GABRG3: variants seen among roughly 807,000 people sequenced by gnomAD.
GABRG3 encodes the protein gamma-aminobutyric acid type A receptor subunit gamma3.
GABRG3 carries 25 observed loss-of-function variants against 48.8 expected under a neutral mutation model. The ratio of observed to expected loss-of-function variants is 0.51; its 90% CI spans 0.37 to 0.72. The LOEUF (loss-of-function observed/expected upper bound fraction) is 0.72, where lower values mean the gene tolerates loss of function less well. Ranked by LOEUF, GABRG3 falls within the 30% of genes least tolerant of loss-of-function variation. GABRG3 has a pLI of 0.00. For missense variants in GABRG3, 394 were observed against 577.9 expected, an observed-to-expected ratio of 0.68 and a Z score of 3.26; for synonymous variants, 227 against 217.6, an observed-to-expected ratio of 1.04 and a Z score of -0.38.
In GABRG3 at chr15:27,414,263, T is replaced by G. The variant is rs116936675; in HGVS notation, c.575-66387T>G. On this transcript the variant is annotated intron_variant, in intron 5 of 9. Transcript: ENST00000615808. ...GTTCATGAATGTCCCAAAGCCCTCA[T>G]GGTTTCTCTCTTTCTGGCTCTTCTT... Among the ~76,000 whole-genome samples the G allele has an allele frequency of 3.9e-4, 60 of 152,322 alleles. No individual in the cohort carries two copies. In the East Asian group the frequency reaches 0.01, roughly 26 times the overall value.
At chr15:27,423,909 G>A (rs553925486) in intron 5 of GABRG3, among the ~76,000 whole-genome samples, 2 of 152,008 alleles carry the variant, frequency 1.3e-5, no homozygotes, top group African/African-American at 4.8e-5. Context: ...ATAGTAGCTA[G>A]CATATGCAGT....
rs185379757 is a variant in GABRG3 at position 27,284,644 on chromosome 15, A to C, written c.271-42165A>C. 9.2e-5 allele frequency among the ~76,000 whole-genome samples: 14 copies of C among 152,304 alleles called. No homozygotes were observed. In the East Asian group the frequency reaches 2.7e-3, roughly 29 times the overall value. ...CTGTGGGCACTTGGATAAGTCTAAA[A>C]ATCCTCAGAGTCCAGATAAGCAAGA... On this transcript the variant is annotated intron_variant, in intron 3 of 9. Coordinates refer to ENST00000615808, the MANE Select transcript of GABRG3 (RefSeq NM_033223.5).
rs553294550 is a variant in GABRG3 at position 27,201,757 on chromosome 15, C to T, written c.271-125052C>T. Among the ~76,000 whole-genome samples, 7 of 152,136 alleles carry T rather than the reference C, an allele frequency of 4.6e-5. No homozygotes were observed. The East Asian group carries it at 1.2e-3, about 25-fold the overall frequency. On this transcript the variant is annotated intron_variant, in intron 3 of 9. Coordinates refer to ENST00000615808, the MANE Select transcript of GABRG3 (RefSeq NM_033223.5). ...TGTTTATAATCGGAACAATAATGAA[C>T]TTATAATTCTAAATAATTGTAGATA...
chr15:27,167,065 C>T (rs1402766851), intron 3 of GABRG3, among the ~76,000 whole-genome samples: 1 of 152,184 alleles, frequency 6.6e-6, no homozygotes, highest in Admixed American at 6.5e-5. Context: ...TCTCCAGGCC[C>T]TCTCACATAG....
intron 2 of GABRG3, among the ~76,000 whole-genome samples, chr15:26,997,230 A>G (rs1165076073): frequency 1.3e-5 from 2 of 152,116 alleles, no homozygotes; most frequent in Admixed American, 6.6e-5. Context: ...GTTATCATAT[A>G]TTCATTTAAT....
chr15:27,066,382 G>A (rs1392227973), intron 3 of GABRG3, among the ~76,000 whole-genome samples: 2 of 152,210 alleles, frequency 1.3e-5, no homozygotes, highest in Non-Finnish European at 2.9e-5. Context: ...CAGCGTTGCT[G>A]TTGAATGGTC....
At chr15:27,057,183 T>A (rs1255704476) in intron 3 of GABRG3, among the ~76,000 whole-genome samples, 1 of 152,188 alleles carries the variant, frequency 6.6e-6, no homozygotes, top group Non-Finnish European at 1.5e-5. Flanking sequence ...GGTGGTTTTT[T>A]CCAAGGGTGG....
chr15:27,149,938 A>G (rs1176762990), intron 3 of GABRG3, among the ~76,000 whole-genome samples: 1 of 152,190 alleles, frequency 6.6e-6, no homozygotes, highest in East Asian at 1.9e-4. Context: ...ATATAATACT[A>G]AGCAGACATT....
chr15:27,397,843 G>C (rs1037384389), intron 5 of GABRG3, among the ~76,000 whole-genome samples: 3 of 142,506 alleles, frequency 2.1e-5, no homozygotes. Flanking sequence ...CTCGCTCTGT[G>C]GCCCAGGCTG....
intron 5 of GABRG3, chr15:27,366,282 C>G (rs1415143975): frequency 6.6e-6 from 1 of 152,212 alleles, no homozygotes; most frequent in African/African-American, 2.4e-5. Flanking sequence ...CAGCTGGGCT[C>G]CAGACTTCCA....
chr15:27,000,647 C>A (rs184149052), intron 2 of GABRG3, among the ~76,000 whole-genome samples: 61 of 152,210 alleles, frequency 4.0e-4, no homozygotes, highest in Middle Eastern at 3.4e-3. Context: ...CCCACCACCA[C>A]CTTGCTCCTG....
intron 3 of GABRG3, among the ~76,000 whole-genome samples, chr15:27,136,096 G>A (rs960706839): frequency 3.3e-5 from 5 of 152,186 alleles, no homozygotes; most frequent in Admixed American, 1.3e-4. Flanking sequence ...TTAATGTCCT[G>A]AAGGAAGAGT....
chr15:27,254,332 G>A (rs909187985), intron 3 of GABRG3, among the ~76,000 whole-genome samples: 5 of 152,244 alleles, frequency 3.3e-5, no homozygotes, highest in African/African-American at 7.2e-5. Context: ...GAGAGATGCC[G>A]TCAGATGGAG....
At chr15:27,009,715 A>C (rs1400354506) in intron 2 of GABRG3, among the ~76,000 whole-genome samples, 1 of 152,186 alleles carries the variant, frequency 6.6e-6, no homozygotes, top group Non-Finnish European at 1.5e-5. Flanking sequence ...AGCCAGATTC[A>C]AAAGGGCAGC....
At chr15:27,367,721 G>T (rs1345901478) in intron 5 of GABRG3, among the ~76,000 whole-genome samples, 1 of 152,104 alleles carries the variant, frequency 6.6e-6, no homozygotes, top group Non-Finnish European at 1.5e-5. Context: ...ACTTTATATG[G>T]TTGATTATTT....
intron 5 of GABRG3, among the ~76,000 whole-genome samples, chr15:27,370,698 A>G (rs1309618580): frequency 1.3e-5 from 2 of 152,242 alleles, no homozygotes; most frequent in Non-Finnish European, 2.9e-5. Context: ...ATTTCGATAA[A>G]ACAAGCCTGC....
At chr15:27,456,907 T>A (rs773685610) in intron 5 of GABRG3, among the ~76,000 whole-genome samples, 7 of 152,148 alleles carry the variant, frequency 4.6e-5, no homozygotes, top group Non-Finnish European at 1.0e-4. Context: ...CACAGGCACC[T>A]GCAGTGCTGC....
At chr15:27,324,571 C>A (rs1301543934) in intron 3 of GABRG3, among the ~76,000 whole-genome samples, 1 of 152,168 alleles carries the variant, frequency 6.6e-6, no homozygotes, top group African/African-American at 2.4e-5. Context: ...CCTTTGGGGT[C>A]CAAGCAGAGG....
chr15:27,326,568 C>G (rs1485720773), intron 3 of GABRG3, among the ~76,000 whole-genome samples: 1 of 152,158 alleles, frequency 6.6e-6, no homozygotes, highest in Admixed American at 6.5e-5. Context: ...CCTCTTCACA[C>G]TTTGTATATT....
Sources: allele counts gnomAD v4.1 joint callset (sites outside exome capture counted in the v4.1 genomes callset), GRCh38; gene constraint gnomAD v4.1.1; transcripts MANE v1.5; gene names NCBI Gene and HGNC (gene_info 2026-07-23, HGNC 2026-07-21).